LFNG: variants seen among roughly 807,000 people sequenced by gnomAD.
LFNG encodes the protein LFNG O-fucosylpeptide 3-beta-N-acetylglucosaminyltransferase, also known as beta-1,3-N-acetylglucosaminyltransferase lunatic fringe.
Under a neutral mutation model 32.7 loss-of-function variants are expected in LFNG, and 15 were observed. That is an observed-to-expected ratio of 0.46 (90% CI 0.31 to 0.71). The LOEUF is 0.71. Among genes scored for constraint, LFNG ranks in the 30% least tolerant of loss-of-function variants. The pLI, the probability that LFNG is intolerant of heterozygous loss-of-function variation, is 0.06. For missense variants in LFNG, 520 were observed against 545.7 expected (o/e 0.95, Z 0.47); for synonymous variants, 274 against 246.8 (o/e 1.11, Z -1.03).
chr7:2,518,708 G>T, upstream of LFNG: 1 of 1,476,880 alleles, frequency 6.8e-7, no homozygotes, highest in African/African-American at 1.4e-5. Context: ...GGTGGTCGTG[G>T]TGGTCGCAGA....
upstream of LFNG, chr7:2,513,213 T>C (rs768633316): frequency 2.5e-6 from 4 of 1,612,798 alleles, no homozygotes; most frequent in African/African-American, 4.0e-5. Flanking sequence ...GATGAGCACA[T>C]GAAATGGATG....
At chr7:2,513,326 C>T (rs751864793), upstream of LFNG, 20 of 1,593,228 alleles carry the variant, frequency 1.3e-5, no homozygotes, top group Non-Finnish European at 1.5e-5. Flanking sequence ...CCTCTCTCAG[C>T]AGGTGTGATC....
In LFNG at chr7:2,526,141, C is replaced by G. The variant is rs988250563; in HGVS notation, c.822-103C>G. The G allele has an allele frequency of 1.6e-6, 2 of 1,263,344 alleles. No homozygotes were observed. Among genetic ancestry groups the G allele is most frequent in the African/African-American group, 2.9e-5 (2 of 68,114 alleles). 78.3% of individuals were successfully genotyped at this position (1,263,344 alleles called of 1,614,324 possible). ...GCAGCCCAGAGCTCTCCTCAGGGCT[C>G]CTCTCCCTGAGGAGTGCAGCGCCTT... is the stretch of plus-strand genomic sequence containing the variant. On this transcript the variant is annotated intron_variant, in intron 5 of 7. Transcript: ENST00000222725. The surrounding 1 kb of genome is among the most constrained non-coding windows in gnomAD (Gnocchi z 6.9).
chr7:2,519,197 C>A (rs1779704636), upstream of LFNG, among the ~76,000 whole-genome samples: 1 of 152,148 alleles, frequency 6.6e-6, no homozygotes, highest in South Asian at 2.1e-4. Context: ...AACCTCGTGT[C>A]CCCACCTGCG....
Position 2,526,276 on chromosome 7 carries a change from T to A in LFNG, c.854T>A (p.Ile285Asn), listed in dbSNP as rs1779970035. 6.2e-7 allele frequency: 1 copy of A among 1,612,916 alleles called. No homozygotes were observed. The highest frequency in any genetic ancestry group is 1.1e-5 in the South Asian group (1 of 91,086). ...GGHFMNTAER[I>N]RLPDDCTIGY... ...CACTTCATGAATACGGCTGAGCGGA[T>A]CCGGCTGCCTGATGACTGCACCATC... Residue 285 changes from isoleucine (I) to asparagine (N), a missense_variant, in exon 6 of 8, where the codon ATC (isoleucine) becomes AAC (asparagine). Ile to Asn is a moderately radical substitution (Grantham distance 149). This residue lies in a region of LFNG where 150 missense variants were observed against 159.9 expected (regional missense o/e 0.94). Transcript: ENST00000222725. This position sits in a 1 kb window ranked among gnomAD's most constrained non-coding sequence, Gnocchi z 6.9.
At position 2,527,815 on chromosome 7, in the gene LFNG, C is replaced by T; in HGVS notation, c.*603C>T. On this transcript the variant is annotated 3_prime_UTR_variant, in exon 8 of 8. Coordinates refer to ENST00000222725, the MANE Select transcript of LFNG (RefSeq NM_001040167.2). This position sits in a 1 kb window ranked among gnomAD's most constrained non-coding sequence, Gnocchi z 4.4. The stretch of plus-strand genomic sequence containing the variant: ...GCCCCACGAAGCCCCCAGTGGCTGG[C>T]TGTCCAGCTGGGCAAACAGTGGCAC... The T allele has an allele frequency of 1.0e-6, 1 of 1,004,492 alleles. No individual in the cohort carries two copies. The highest frequency in any genetic ancestry group is 1.2e-6 in the Non-Finnish European group (1 of 839,842). The allele number at this position is 1,004,492 out of a possible 1,614,324, so 62.2% of individuals were successfully genotyped here.
At chr7:2,512,635 A>C (rs775349799) in exon 1 of LFNG, 2 of 1,613,318 alleles carry the variant, frequency 1.2e-6, no homozygotes, top group South Asian at 2.2e-5. Context: ...CCTGGCCACA[A>C]GGACCCAAAG....
chr7:2,520,171 C>T lies in LFNG; in HGVS notation c.310C>T (p.Arg104Cys), dbSNP rs776651064. 5.2e-6 allele frequency: 8 copies of T among 1,533,002 alleles called. No individual in the cohort carries two copies. Among genetic ancestry groups the T allele is most frequent in the African/African-American group, 1.4e-5 (1 of 69,952 alleles). 95.0% of individuals were successfully genotyped at this position (1,533,002 alleles called of 1,614,324 possible). The change falls in exon 1 of 8, where the codon CGC becomes TGC. Residue 104 changes from arginine (R) to cysteine (C), a missense_variant. Transcript: ENST00000222725. This position sits in a 1 kb window ranked among gnomAD's most constrained non-coding sequence, Gnocchi z 5.0. ...AAPRPADGHPRPLAEPLAPRD... is the reference protein window; with the variant it reads ...AAPRPADGHPCPLAEPLAPRD... The stretch of plus-strand genomic sequence containing the variant: ...CCCCCGCCCCGCCGACGGCCACCCG[C>T]GCCCCCTGGCCGAGCCGCTCGCGCC...
chr7:2,513,908 G>C (rs57203146), upstream of LFNG, among the ~76,000 whole-genome samples: 11,220 of 152,316 alleles, frequency 0.074, 961 homozygotes, highest in East Asian at 0.2. Context: ...GCCAGCCCAG[G>C]CCTGCCGTCC....
chr7:2,524,590 G>T (rs1055620736), intron 1 of LFNG, 105 bp from the exon 2 acceptor site: 4 of 1,064,580 alleles, frequency 3.8e-6, no homozygotes, highest in Admixed American at 4.0e-5. Flanking sequence ...TCAGTGTGAC[G>T]CAGCTGCAGC....
chr7:2,525,576 C>T lies in LFNG; in HGVS notation c.735+9C>T, dbSNP rs202171160. 7.0e-4 allele frequency: 1,132 copies of T among 1,612,214 alleles called. No homozygotes were observed. The highest frequency in any genetic ancestry group is 9.2e-4 in the Non-Finnish European group (1,085 of 1,179,734). ...TCAGCGAGAACAAGGTGGTGAGTGCCTGCCCCTCCCAGTCCCCCACGCCCA... is the reference window on the plus strand; with the variant it reads ...TCAGCGAGAACAAGGTGGTGAGTGCTTGCCCCTCCCAGTCCCCCACGCCCA... On this transcript the variant is annotated intron_variant, in intron 4 of 7. Coordinates refer to ENST00000222725, the MANE Select transcript of LFNG (RefSeq NM_001040167.2).
In LFNG at chr7:2,525,221, A is replaced by C; in HGVS notation, c.484A>C (p.Asn162His). ...EDEALARHTG[N>H]VVITNCSAAH... ...CACAGCCGCTCCCCTGTCCACAGGC[A>C]ACGTGGTCATCACAAACTGCTCGGC... Residue 162 changes from asparagine to histidine, a missense_variant and splice_region_variant, in exon 3 of 8, where the codon AAC becomes CAC. Physicochemically the swap from Asn to His is moderately conservative, Grantham distance 68. Transcript: ENST00000222725. 4.3e-6 allele frequency: 7 copies of C among 1,612,680 alleles called. No homozygotes were observed. Among genetic ancestry groups the C allele is most frequent in the Non-Finnish European group, 5.9e-6 (7 of 1,179,770 alleles).
intron 1 of LFNG, among the ~76,000 whole-genome samples, chr7:2,521,053 G>T (rs1779773557): frequency 6.6e-6 from 1 of 152,208 alleles, no homozygotes; most frequent in Admixed American, 6.5e-5. Flanking sequence ...GTGTCTCTGG[G>T]CTGGGAGATG....
chr7:2,528,237 T>A lies in LFNG; in HGVS notation c.*1025T>A. The stretch of plus-strand genomic sequence containing the variant: ...CTGGAACCTCCCATCCCTGCCCTCC[T>A]CCTGTGTAGCTGCCACCTCCCCGCT... On this transcript the variant is annotated 3_prime_UTR_variant, in exon 8 of 8. Transcript: ENST00000222725. 1 of 986,030 alleles carries A rather than the reference T, an allele frequency of 1.0e-6. No individual in the cohort carries two copies. The highest frequency in any genetic ancestry group is 1.2e-6 in the Non-Finnish European group (1 of 830,020). 61.1% of individuals were successfully genotyped at this position (986,030 alleles called of 1,614,324 possible).
chr7:2,513,263 G>GGATT (rs2128372844), upstream of LFNG: 1 of 1,613,468 alleles, frequency 6.2e-7, no homozygotes, highest in Non-Finnish European at 8.5e-7. Context: ...ATGGATGGAT[G>GGATT]GATGGATGGA....
At chr7:2,522,281 T>C (rs2128375959) in intron 1 of LFNG, among the ~76,000 whole-genome samples, 1 of 152,270 alleles carries the variant, frequency 6.6e-6, no homozygotes, top group Admixed American at 6.5e-5. Flanking sequence ...GAAAGGGCAC[T>C]CCATCCGGGC....
chr7:2,523,545 G>C (rs1779850992), intron 1 of LFNG: 2 of 152,274 alleles, frequency 1.3e-5, no homozygotes, highest in African/African-American at 4.8e-5. Flanking sequence ...AGCCATGCCA[G>C]GGTGCGCCGG....
chr7:2,525,171 C>A (rs779016394), intron 2 of LFNG, 48 bp from the exon 3 acceptor site: 2 of 1,542,238 alleles, frequency 1.3e-6, no homozygotes, highest in Non-Finnish European at 1.8e-6. Context: ...CCAGGCCCCT[C>A]TCTGGGAGCC....
At chr7:2,515,048 G>A (rs147964279), upstream of LFNG, among the ~76,000 whole-genome samples, 77 of 52,038 alleles carry the variant, frequency 1.5e-3, 1 homozygote, top group East Asian at 0.12. Context: ...CCATCCATCT[G>A]TCCATCCATC....
Sources: allele counts gnomAD v4.1 joint callset (sites outside exome capture counted in the v4.1 genomes callset), GRCh38; gene constraint gnomAD v4.1.1; regional missense constraint gnomAD v4.1.1; non-coding constraint Gnocchi (gnomAD v3.1); transcripts MANE v1.5; gene names NCBI Gene and HGNC (gene_info 2026-07-23, HGNC 2026-07-21).